Variants in CFAP61 observed in about 807,000 individuals in gnomAD.
CFAP61 encodes the protein cilia- and flagella-associated protein 61.
A neutral mutation model predicts 135.6 loss-of-function variants in CFAP61; 107 were observed. The observed-to-expected ratio is 0.79, with a 90% CI of 0.67 to 0.93. The LOEUF (loss-of-function observed/expected upper bound fraction) is 0.93. CFAP61 is among the 40% of genes least tolerant of loss of function. The pLI is 0.00. For synonymous variants in CFAP61, 575 were observed against 578.5 expected, an observed-to-expected ratio of 0.99 and a Z score of 0.09; for missense variants, 1,507 against 1,556.2, an observed-to-expected ratio of 0.97 and a Z score of 0.53.
At chr20:20,099,809 G>C (rs1246180140) in intron 8 of CFAP61, among the ~76,000 whole-genome samples, 9 of 152,206 alleles carry the variant, frequency 5.9e-5, no homozygotes, top group Non-Finnish European at 1.5e-5. Context: ...GCACTTGGCT[G>C]GTGGCAAAGG....
chr20:20,208,831 C>T (rs1369091190), intron 17 of CFAP61, among the ~76,000 whole-genome samples: 1 of 152,208 alleles, frequency 6.6e-6, no homozygotes, highest in Non-Finnish European at 1.5e-5. Context: ...CCCAGCACAT[C>T]CATCCACTGT....
chr20:20,098,706 C>G lies in CFAP61; in HGVS notation c.751C>G (p.Gln251Glu), dbSNP rs1037870064. 3.7e-6 allele frequency: 6 copies of G among 1,613,340 alleles called. No individual in the cohort carries two copies. Among genetic ancestry groups the G allele is most frequent in the Admixed American group, 1.7e-5 (1 of 59,922 alleles). ...GAGTGTGTGCTCAAGAGTGAACATG[C>G]AACTGCTGCATGAGTGCTTTGACTT... ...FMSVCSRVNM[Q>E]LLHECFDLGP... The change falls in exon 8 of 27, where the codon CAA (glutamine) becomes GAA (glutamate). Residue 251 changes from glutamine to glutamate, a missense_variant. By Grantham distance (29) the Gln-to-Glu change is conservative. Coordinates refer to ENST00000245957, the MANE Select transcript of CFAP61 (RefSeq NM_015585.4).
At chr20:20,237,613 C>T (rs189438375) in intron 18 of CFAP61, among the ~76,000 whole-genome samples, 7 of 152,244 alleles carry the variant, frequency 4.6e-5, no homozygotes, top group African/African-American at 1.4e-4. Flanking sequence ...ATGCAGCTGC[C>T]GTTTAATTTT....
intron 8 of CFAP61, among the ~76,000 whole-genome samples, chr20:20,105,701 G>A (rs530363240): frequency 1.3e-5 from 2 of 151,918 alleles, no homozygotes; most frequent in East Asian, 2.0e-4. Flanking sequence ...GTGCAATCTC[G>A]GCTCACTGAA....
chr20:20,340,484 G>T (rs2122366496), intron 25 of CFAP61, among the ~76,000 whole-genome samples: 1 of 152,236 alleles, frequency 6.6e-6, no homozygotes, highest in Non-Finnish European at 1.5e-5. Flanking sequence ...ACAGACCACA[G>T]TGGGTTCCCA....
At chr20:20,203,744 T>C (rs1258785020) in intron 17 of CFAP61, among the ~76,000 whole-genome samples, 1 of 152,190 alleles carries the variant, frequency 6.6e-6, no homozygotes, top group Non-Finnish European at 1.5e-5. Flanking sequence ...CAAACCTGTT[T>C]TCTTTCCTTT....
intron 8 of CFAP61, among the ~76,000 whole-genome samples, chr20:20,133,987 A>T (rs2050734142): frequency 2.0e-5 from 3 of 152,228 alleles, no homozygotes; most frequent in African/African-American, 7.2e-5. Flanking sequence ...TTCAGTCATT[A>T]AACAAATACT....
chr20:20,308,164 G>A (rs1375669780), intron 25 of CFAP61, among the ~76,000 whole-genome samples: 1 of 152,204 alleles, frequency 6.6e-6, no homozygotes, highest in Non-Finnish European at 1.5e-5. Flanking sequence ...GTTGTGGAAA[G>A]CTGTGTTGGA....
rs370300405 is a variant in CFAP61 at position 20,126,180 on chromosome 20, C to T, written c.860-16677C>T. 1.4e-4 allele frequency among the ~76,000 whole-genome samples: 21 copies of T among 151,800 alleles called. No homozygotes were observed. In the East Asian group the frequency reaches 2.1e-3, roughly 15 times the overall value. On this transcript the variant is annotated intron_variant, in intron 8 of 26. Transcript: ENST00000245957. ...ATTCTCCAGTTCTATATGTTTTAAG[C>T]GGAACATTTAGGCCATTTACATTTA...
intron 25 of CFAP61, among the ~76,000 whole-genome samples, chr20:20,313,837 G>A (rs543743894): frequency 3.9e-5 from 6 of 152,166 alleles, no homozygotes; most frequent in Non-Finnish European, 8.8e-5. Flanking sequence ...TCTCTGCTAC[G>A]TCATAACATG....
intron 17 of CFAP61, among the ~76,000 whole-genome samples, chr20:20,224,129 G>A (rs1270273648): frequency 1.3e-5 from 2 of 152,174 alleles, no homozygotes; most frequent in African/African-American, 2.4e-5. Context: ...GGAGTTAATA[G>A]TCTAGTTGTA....
chr20:20,124,880 A>T (rs780048967), intron 8 of CFAP61, among the ~76,000 whole-genome samples: 8 of 151,676 alleles, frequency 5.3e-5, no homozygotes, highest in Non-Finnish European at 1.2e-4. Context: ...TTTTTAAATT[A>T]CCATTTCAAC....
At chr20:20,068,776 T>C (rs2045499431) in intron 2 of CFAP61, among the ~76,000 whole-genome samples, 1 of 152,264 alleles carries the variant, frequency 6.6e-6, no homozygotes, top group Non-Finnish European at 1.5e-5. Context: ...GACGGAGTCT[T>C]GCTTTGTTGC....
At chr20:20,104,528 C>T (rs910326038) in intron 8 of CFAP61, among the ~76,000 whole-genome samples, 1 of 152,134 alleles carries the variant, frequency 6.6e-6, no homozygotes, top group Admixed American at 6.5e-5. Flanking sequence ...TTACTTTATT[C>T]TTCTTTTAAC....
intron 17 of CFAP61, among the ~76,000 whole-genome samples, chr20:20,203,898 G>A (rs934236074): frequency 1.5e-4 from 23 of 152,166 alleles, no homozygotes; most frequent in Non-Finnish European, 3.1e-4. Context: ...AGGAGAAATA[G>A]CCACACTGGG....
rs113039097 is a variant in CFAP61, at chr20:20,235,093, C to G, written c.2060+6717C>G. Among the ~76,000 whole-genome samples, 1,368 of 152,184 alleles carry G rather than the reference C, an allele frequency of 9.0e-3. 22 individuals are homozygous for G. Among genetic ancestry groups the G allele is most frequent in the African/African-American group, 0.031 (1,298 of 41,514 alleles). ...TCCACGTGGAGGATGCCCTCTTCCC[C>G]GAGGACTGGGGGAGCCGGAGGTGCT... On this transcript the variant is annotated intron_variant, in intron 18 of 26. Transcript: ENST00000245957.
At chr20:20,360,172 A>G (rs771085585) in intron 26 of CFAP61, 38 bp from the exon 27 acceptor site, 11 of 1,513,388 alleles carry the variant, frequency 7.3e-6, no homozygotes, top group South Asian at 1.1e-5. Context: ...GCAGGGTCCA[A>G]TTAATTTCTG....
At chr20:20,078,969 A>G (rs1012947615) in intron 6 of CFAP61, among the ~76,000 whole-genome samples, 10 of 152,248 alleles carry the variant, frequency 6.6e-5, no homozygotes, top group African/African-American at 2.4e-4. Context: ...CAGATAACTC[A>G]ATGTCGATAA....
At chr20:20,181,099 C>G (rs921178493) in intron 13 of CFAP61, among the ~76,000 whole-genome samples, 1 of 151,404 alleles carries the variant, frequency 6.6e-6, no homozygotes, top group Non-Finnish European at 1.5e-5. Flanking sequence ...TACAACAAAC[C>G]CCAATGACAC....
Sources: gnomAD v4.1 joint callset for allele counts (sites outside exome capture counted in the v4.1 genomes callset) on GRCh38, gnomAD v4.1.1 for gene constraint, MANE v1.5 for transcripts, NCBI Gene and HGNC (gene_info 2026-07-23, HGNC 2026-07-21) for gene names.